Variants in PARD3 observed in about 807,000 individuals in gnomAD.
PARD3 encodes par-3 family cell polarity regulator.
In PARD3, 75 loss-of-function variants were observed where a neutral mutation model predicts 155.4. The ratio of observed to expected loss-of-function variants is 0.48; its 90% CI spans 0.40 to 0.58. The LOEUF is 0.58. Ranked by LOEUF, PARD3 falls within the 20% of genes least tolerant of loss-of-function variation. The pLI, the probability that PARD3 is intolerant of heterozygous loss-of-function variation, is 0.00. For missense variants in PARD3, 1,642 were observed against 1,721.7 expected (o/e 0.95, Z 0.82); for synonymous variants, 576 against 610.5 (o/e 0.94, Z 0.83).
intron 3 of PARD3, among the ~76,000 whole-genome samples, chr10:34,516,250 C>A (rs1393883041): frequency 6.6e-6 from 1 of 152,160 alleles, no homozygotes; most frequent in East Asian, 1.9e-4. Context: ...TAGGCATAAG[C>A]CACCCCGCCC....
chr10:34,809,477 T>C lies in PARD3; in HGVS notation c.120+5399A>G, dbSNP rs372055380. Among the ~76,000 whole-genome samples the C allele has an allele frequency of 5.9e-5, 9 of 152,220 alleles. No homozygotes were observed. The East Asian group carries it at 1.4e-3, about 23-fold the overall frequency. ...GCAGGGAGAAAGATCCTCTAGCAGC[T>C]TGGGATGGAGAGCCAGCCTCCTGGA... On this transcript the variant is annotated intron_variant, in intron 1 of 24. Transcript: ENST00000374788.
intron 22 of PARD3, among the ~76,000 whole-genome samples, chr10:34,206,520 C>T (rs1049456018): frequency 1.3e-5 from 2 of 152,198 alleles, no homozygotes; most frequent in African/African-American, 2.4e-5. Flanking sequence ...CAGGAAAGAA[C>T]TCCAGAGCCA....
In PARD3 at chr10:34,384,119, A is replaced by G; in HGVS notation, c.1016+10T>C. On this transcript the variant is annotated intron_variant, in intron 8 of 24. Coordinates refer to ENST00000374788, the MANE Select transcript of PARD3 (RefSeq NM_001184785.2). Reference sequence around the variant, plus strand: ...AAGTAAGAACAGAAGTGCAGCGAGCACACACTTACTGTTCAAATCTTCTAT... The same window carrying G: ...AAGTAAGAACAGAAGTGCAGCGAGCGCACACTTACTGTTCAAATCTTCTAT... 6.2e-7 allele frequency: 1 copy of G among 1,612,360 alleles called. No individual in the cohort carries two copies. The highest frequency in any genetic ancestry group is 8.5e-7 in the Non-Finnish European group (1 of 1,179,124).
chr10:34,255,151 CT>C (rs1954589659), intron 22 of PARD3, among the ~76,000 whole-genome samples: 1 of 152,004 alleles, frequency 6.6e-6, no homozygotes, highest in African/African-American at 2.4e-5. Flanking sequence ...TTAGATCTCC[CT>C]CCTTTCTGCC....
intron 20 of PARD3, among the ~76,000 whole-genome samples, chr10:34,300,804 T>C (rs1401521109): frequency 6.6e-6 from 1 of 152,126 alleles, no homozygotes; most frequent in Non-Finnish European, 1.5e-5. Flanking sequence ...CAGATAGCTC[T>C]AGGAAGGTCG....
intron 22 of PARD3, among the ~76,000 whole-genome samples, chr10:34,245,460 T>C (rs1953884256): frequency 8.0e-6 from 1 of 125,590 alleles, no homozygotes; most frequent in Non-Finnish European, 1.9e-5. Context: ...GAGGCCACCC[T>C]GACTAGAATT....
intron 22 of PARD3, among the ~76,000 whole-genome samples, chr10:34,199,436 G>A (rs629039): frequency 0.21 from 32,074 of 151,994 alleles, 4,135 homozygotes; most frequent in Non-Finnish European, 0.27. Flanking sequence ...GAGGACTAAG[G>A]GGTAATTGCC....
At chr10:34,791,604 G>A (rs1426514281) in intron 1 of PARD3, among the ~76,000 whole-genome samples, 1 of 152,168 alleles carries the variant, frequency 6.6e-6, no homozygotes, top group Non-Finnish European at 1.5e-5. Context: ...AGCCAGGTGT[G>A]GTAGTGAGCG....
chr10:34,676,811 T>C (rs777057116), intron 2 of PARD3, among the ~76,000 whole-genome samples: 3 of 152,160 alleles, frequency 2.0e-5, no homozygotes, highest in Non-Finnish European at 2.9e-5. Context: ...CACCCTCAGG[T>C]TCAAGCAGTT....
chr10:34,771,544 A>G (rs533371664), intron 1 of PARD3, among the ~76,000 whole-genome samples: 5 of 152,368 alleles, frequency 3.3e-5, no homozygotes, highest in South Asian at 2.1e-4. Flanking sequence ...TTAAAACAGA[A>G]AAGTTACACA....
At chr10:34,624,761 C>G (rs1385918910) in intron 2 of PARD3, among the ~76,000 whole-genome samples, 2 of 152,228 alleles carry the variant, frequency 1.3e-5, no homozygotes, top group Non-Finnish European at 2.9e-5. Context: ...CTGCTCAGCC[C>G]GCTCTGATGT....
intron 3 of PARD3, among the ~76,000 whole-genome samples, chr10:34,491,564 A>T (rs543527990): frequency 2.6e-5 from 4 of 152,296 alleles, no homozygotes; most frequent in Admixed American, 2.0e-4. Flanking sequence ...TTACAGAAGC[A>T]TTTTTTTATT....
chr10:34,304,589 G>A (rs2134044517), intron 20 of PARD3, among the ~76,000 whole-genome samples: 1 of 152,270 alleles, frequency 6.6e-6, no homozygotes, highest in South Asian at 2.1e-4. Context: ...CGGCTCAGAT[G>A]GTGCAGGAGA....
chr10:34,397,325 G>T (rs1467070989), intron 7 of PARD3, among the ~76,000 whole-genome samples: 1 of 152,162 alleles, frequency 6.6e-6, no homozygotes, highest in East Asian at 1.9e-4. Context: ...CAGGTATTGG[G>T]GAATCACAAA....
chr10:34,263,645 T>C (rs1955143185), intron 22 of PARD3, among the ~76,000 whole-genome samples: 1 of 152,156 alleles, frequency 6.6e-6, no homozygotes, highest in Non-Finnish European at 1.5e-5. Flanking sequence ...AGTGAGACCC[T>C]GTTTCAAAGA....
chr10:34,427,352 T>C (rs2075667221), intron 5 of PARD3, among the ~76,000 whole-genome samples: 1 of 152,204 alleles, frequency 6.6e-6, no homozygotes, highest in Admixed American at 6.5e-5. Context: ...ATGGCCACCC[T>C]GGGAGTGTCT....
At chr10:34,234,024 C>T (rs374855169) in intron 22 of PARD3, among the ~76,000 whole-genome samples, 29 of 152,140 alleles carry the variant, frequency 1.9e-4, no homozygotes, top group East Asian at 1.3e-3. Flanking sequence ...GTTTGAAGTA[C>T]CTAGTGCAAT....
At chr10:34,519,902 C>T (rs2082036189) in intron 2 of PARD3, among the ~76,000 whole-genome samples, 1 of 129,874 alleles carries the variant, frequency 7.7e-6, no homozygotes, top group Non-Finnish European at 1.7e-5. Flanking sequence ...AAATAAATCC[C>T]AAAGAGTAAA....
intron 1 of PARD3, among the ~76,000 whole-genome samples, chr10:34,764,459 T>C (rs528738248): frequency 1.3e-5 from 2 of 152,276 alleles, no homozygotes; most frequent in South Asian, 4.1e-4. Context: ...TAGAAGAATC[T>C]ATAGGAAAAA....
Sources: gnomAD v4.1 joint callset for allele counts (sites outside exome capture counted in the v4.1 genomes callset) on GRCh38, gnomAD v4.1.1 for gene constraint, MANE v1.5 for transcripts, NCBI Gene and HGNC (gene_info 2026-07-23, HGNC 2026-07-21) for gene names.